The following PCDHGA1 variants were observed in gnomAD, a reference collection of about 807,000 sequenced individuals.
PCDHGA1 encodes the protein protocadherin gamma-A1.
A neutral mutation model predicts 58.0 loss-of-function variants in PCDHGA1; 32 were observed. The ratio of observed to expected loss-of-function variants is 0.55; its 90% CI spans 0.42 to 0.74. The LOEUF is 0.74. PCDHGA1 is among the 30% of genes least tolerant of loss of function. The pLI is 0.00. For missense variants in PCDHGA1, 1,205 were observed against 1,182.3 expected, an observed-to-expected ratio of 1.02 and a Z score of -0.28; for synonymous variants, 498 against 501.1, an observed-to-expected ratio of 0.99 and a Z score of 0.08.
rs1756530279 is a variant in PCDHGA1 at position 141,334,735 on chromosome 5, T to C, written c.2421+1630T>C. The stretch of plus-strand genomic sequence containing the variant: ...GAGACAGCGAACACCAAGTATCTCA[T>C]ATGTGAGCTGTGGTATCCAGAATAT... On this transcript the variant is annotated intron_variant, in intron 1 of 3. Coordinates refer to ENST00000517417, the MANE Select transcript of PCDHGA1 (RefSeq NM_018912.3). The surrounding 1 kb of genome is among the most constrained non-coding windows in gnomAD (Gnocchi z 4.6). The C allele has an allele frequency of 6.6e-6, 1 of 152,226 alleles. No individual in the cohort carries two copies. Among genetic ancestry groups the C allele is most frequent in the African/African-American group, 2.4e-5 (1 of 41,466 alleles). The allele number at this position is 152,226 out of a possible 1,614,324, so 9.4% of individuals were successfully genotyped here. A position where few individuals can be genotyped will look rare whatever the true frequency, so the allele number is the denominator to read the frequency against.
At chr5:141,495,014 G>A (rs561045298) in intron 2 of PCDHGA1, 149 bp downstream of exon 2, 13 of 1,510,430 alleles carry the variant, frequency 8.6e-6, no homozygotes, top group South Asian at 7.5e-5. Flanking sequence ...GCGGGGGGCT[G>A]GCACACAGAC....
At chr5:141,356,456 AC>A in intron 1 of PCDHGA1, 1 of 1,613,458 alleles carries the variant, frequency 6.2e-7, no homozygotes. Context: ...TCAGAATATA[AC>A]ATCACTGTAA....
intron 1 of PCDHGA1, among the ~76,000 whole-genome samples, chr5:141,461,054 T>C (rs984461416): frequency 6.6e-6 from 1 of 151,758 alleles, no homozygotes; most frequent in African/African-American, 2.4e-5. Context: ...GGGACTTAGG[T>C]TGGTTTCACA....
chr5:141,417,893 G>T (rs766340497), intron 1 of PCDHGA1: 2 of 1,572,670 alleles, frequency 1.3e-6, no homozygotes, highest in Admixed American at 1.9e-5. Flanking sequence ...GCGCCGGGCC[G>T]GCCCGCGGCA....
chr5:141,384,386 T>A (rs1208791457), intron 1 of PCDHGA1: 1 of 1,613,954 alleles, frequency 6.2e-7, no homozygotes, highest in South Asian at 1.1e-5. Flanking sequence ...GAAGACACCA[T>A]CCAGGGGGCT....
At chr5:141,498,971 G>GGAAGGAA (rs2099787559) in intron 2 of PCDHGA1, among the ~76,000 whole-genome samples, 2 of 111,052 alleles carry the variant, frequency 1.8e-5, no homozygotes, top group African/African-American at 7.2e-5. Context: ...GAGGGAGGGA[G>GGAAGGAA]GGAAGGAAGG....
intron 1 of PCDHGA1, chr5:141,399,213 T>G (rs2093770836): frequency 6.2e-7 from 1 of 1,613,970 alleles, no homozygotes; most frequent in East Asian, 2.2e-5. Context: ...GAACACTAAT[T>G]GCTTTGATCA....
chr5:141,463,965 C>T (rs1207852177), intron 1 of PCDHGA1, among the ~76,000 whole-genome samples: 1 of 151,648 alleles, frequency 6.6e-6, no homozygotes, highest in African/African-American at 2.4e-5. Context: ...AAAATAGCTT[C>T]ATAAAACTCC....
At chr5:141,502,660 A>T (rs1423714257) in intron 2 of PCDHGA1, among the ~76,000 whole-genome samples, 2 of 152,208 alleles carry the variant, frequency 1.3e-5, no homozygotes, top group African/African-American at 4.8e-5. Flanking sequence ...GCAACCCTTC[A>T]TGCAATTTTA....
rs771138206 is a variant in PCDHGA1, at chr5:141,365,985, T to A, written c.2421+32880T>A. ...AGCAACGTGTCGCTGAGCCTGTTTG[T>A]GCTGGACCAGAACGACAATACGCCT... On this transcript the variant is annotated intron_variant, in intron 1 of 3. Coordinates refer to ENST00000517417, the MANE Select transcript of PCDHGA1 (RefSeq NM_018912.3). 6.2e-6 allele frequency: 10 copies of A among 1,614,116 alleles called. No individual in the cohort carries two copies. In the Admixed American group the frequency reaches 1.3e-4, roughly 22 times the overall value.
chr5:141,352,572 C>T (rs1243165903), intron 1 of PCDHGA1: 2 of 1,613,804 alleles, frequency 1.2e-6, no homozygotes, highest in African/African-American at 1.3e-5. Context: ...CCGGAAATGG[C>T]TCCCCCTCAG....
chr5:141,375,992 G>A (rs1277276450), intron 1 of PCDHGA1: 9 of 1,613,328 alleles, frequency 5.6e-6, no homozygotes, highest in Admixed American at 1.7e-5. Flanking sequence ...GGACAGAGAC[G>A]CGCTCAAGCA....
At chr5:141,383,857 C>T (rs1779530315) in intron 1 of PCDHGA1, 2 of 1,613,810 alleles carry the variant, frequency 1.2e-6, no homozygotes, top group Non-Finnish European at 1.7e-6. Context: ...AATGGAGGTT[C>T]AGGCTCAAGA....
rs2099884159 is a variant in PCDHGA1 at position 141,512,278 on chromosome 5, G to A, written c.*1105G>A. 6.5e-6 allele frequency: 1 copy of A among 152,812 alleles called. No homozygotes were observed. Among genetic ancestry groups the A allele is most frequent in the Non-Finnish European group, 1.5e-5 (1 of 68,170 alleles). 9.5% of individuals were successfully genotyped at this position (152,812 alleles called of 1,614,324 possible). A position where few individuals can be genotyped will look rare whatever the true frequency, so the allele number is the denominator to read the frequency against. ...TGCTGGGTACTCCAGAGGTGCCACT[G>A]GTGGAAGGGTCAGCGGAGCCCCAGC... On this transcript the variant is annotated 3_prime_UTR_variant, in exon 4 of 4. Coordinates refer to ENST00000517417, the MANE Select transcript of PCDHGA1 (RefSeq NM_018912.3).
At chr5:141,418,405 G>T in intron 1 of PCDHGA1, 1 of 1,614,020 alleles carries the variant, frequency 6.2e-7, no homozygotes, top group African/African-American at 1.3e-5. Context: ...CATTGGTGGA[G>T]AAAGACAATC....
At chr5:141,344,203 G>C (rs769630375) in intron 1 of PCDHGA1, 10 of 1,614,016 alleles carry the variant, frequency 6.2e-6, no homozygotes, top group Non-Finnish European at 8.5e-6. Flanking sequence ...CTAGAGCCCC[G>C]GGAGCTGGCG....
chr5:141,422,433 T>C, intron 1 of PCDHGA1: 2 of 1,609,628 alleles, frequency 1.2e-6, no homozygotes. Context: ...ATGGAAATTA[T>C]TACAAATTGA....
rs770759647 is a variant in PCDHGA1 at position 141,393,173 on chromosome 5, A to C, written c.2421+60068A>C. 38 of 1,613,150 alleles carry C rather than the reference A, an allele frequency of 2.4e-5. No homozygotes were observed. Among genetic ancestry groups the C allele is most frequent in the Non-Finnish European group, 3.2e-5 (38 of 1,179,886 alleles). ...ATAAAGGAAAACTCTTTGGGGTAGA[A>C]ATAGAAATAATTGATATTAACGATA... On this transcript the variant is annotated intron_variant, in intron 1 of 3. Coordinates refer to ENST00000517417, the MANE Select transcript of PCDHGA1 (RefSeq NM_018912.3).
chr5:141,449,645 A>G (rs1331667429), intron 1 of PCDHGA1, among the ~76,000 whole-genome samples: 1 of 151,128 alleles, frequency 6.6e-6, no homozygotes, highest in African/African-American at 2.4e-5. Context: ...CTATATATAC[A>G]TATTTACATA....
Sources: allele counts gnomAD v4.1 joint callset (sites outside exome capture counted in the v4.1 genomes callset), GRCh38; gene constraint gnomAD v4.1.1; non-coding constraint Gnocchi (gnomAD v3.1); transcripts MANE v1.5; gene names NCBI Gene and HGNC (gene_info 2026-07-23, HGNC 2026-07-21).